MRPS25: variants seen among roughly 807,000 people sequenced by gnomAD.
MRPS25 encodes the protein mitochondrial ribosomal protein S25.
In MRPS25, 15 loss-of-function variants were observed where a neutral mutation model predicts 17.3. The ratio of observed to expected loss-of-function variants is 0.87; its 90% CI spans 0.58 to 1.34. The LOEUF (loss-of-function observed/expected upper bound fraction) is 1.34, where lower values mean the gene tolerates loss of function less well. Ranked by LOEUF, MRPS25 falls within the 40% of genes most tolerant of loss-of-function variation. The pLI is 0.00. For missense variants in MRPS25, 225 were observed against 218.6 expected (o/e 1.03, Z -0.19); for synonymous variants, 94 against 83.3 (o/e 1.13, Z -0.70).
At chr3:15,053,590 T>G in intron 2 of MRPS25, 123 bp from the exon 3 acceptor site, 1 of 1,070,656 alleles carries the variant, frequency 9.3e-7, no homozygotes, top group African/African-American at 1.6e-5. Flanking sequence ...TAGATATACT[T>G]GTTTACATAA....
chr3:15,056,470 G>A (rs1418940213), intron 2 of MRPS25, among the ~76,000 whole-genome samples: 3 of 152,222 alleles, frequency 2.0e-5, no homozygotes, highest in African/African-American at 7.2e-5. Flanking sequence ...TTGAGTTGGG[G>A]AGAGGATCCT....
At chr3:15,059,161 G>A (rs530698032) in intron 2 of MRPS25, among the ~76,000 whole-genome samples, 78 of 152,258 alleles carry the variant, frequency 5.1e-4, no homozygotes, top group African/African-American at 1.8e-3. Flanking sequence ...TGAGGCAGAG[G>A]GTAAGAAGAG....
downstream of MRPS25, chr3:15,042,638 T>G: frequency 5.4e-6 from 3 of 552,586 alleles, no homozygotes; most frequent in East Asian, 3.0e-5. Flanking sequence ...TGTACATACA[T>G]TTTGTACTCA....
Position 15,051,917 on chromosome 3 carries a change from A to ATT in MRPS25, c.*523_*524insAA, listed in dbSNP as rs1208046774. The ATT allele has an allele frequency of 4.7e-5, 46 of 985,626 alleles. No homozygotes were observed. In the African/African-American group the frequency reaches 7.8e-4, roughly 17 times the overall value. 61.1% of individuals were successfully genotyped at this position (985,626 alleles called of 1,614,324 possible). On this transcript the variant is annotated 3_prime_UTR_variant, in exon 4 of 4. Coordinates refer to ENST00000253686, the MANE Select transcript of MRPS25 (RefSeq NM_022497.5). Reference sequence around the variant, plus strand: ...GCAAGGGTAATCAACTGTACTTAAAAAAGTGAGCACTGCACGAAGGGTTGC... The same window carrying ATT: ...GCAAGGGTAATCAACTGTACTTAAAATTAAGTGAGCACTGCACGAAGGGTTGC...
At position 15,051,710 on chromosome 3, in the gene MRPS25, T is replaced by G; in HGVS notation, c.*731A>C. 1 of 985,538 alleles carries G rather than the reference T, an allele frequency of 1.0e-6. No individual in the cohort carries two copies. Among genetic ancestry groups the G allele is most frequent in the Non-Finnish European group, 1.2e-6 (1 of 830,120 alleles). 61.0% of individuals were successfully genotyped at this position (985,538 alleles called of 1,614,324 possible). A position where few individuals can be genotyped will look rare whatever the true frequency, so the allele number is the denominator to read the frequency against. ...CCATCCCCCCAGCAGGGCCCCAATG[T>G]CTCCACTAGGTGGTGTCTCCTCATT... On this transcript the variant is annotated 3_prime_UTR_variant, in exon 4 of 4. Coordinates refer to ENST00000253686, the MANE Select transcript of MRPS25 (RefSeq NM_022497.5).
At position 15,059,466 on chromosome 3, in the gene MRPS25, C is replaced by G. The variant is rs1263347102; in HGVS notation, c.144G>C (p.Val48=). 2 of 1,610,290 alleles carry G rather than the reference C, an allele frequency of 1.2e-6. No homozygotes were observed. Among genetic ancestry groups the G allele is most frequent in the Non-Finnish European group, 1.7e-6 (2 of 1,176,954 alleles). Residue 48 remains valine (V), a synonymous_variant, in exon 2 of 4, where the codon GTG becomes GTC. Coordinates refer to ENST00000253686, the MANE Select transcript of MRPS25 (RefSeq NM_022497.5). ...ATTGAATCTGAGGTATGTTGAAAAACACAAACTTCCTGCAAAAGGGAAGAA... is the reference window on the plus strand; with the variant it reads ...ATTGAATCTGAGGTATGTTGAAAAAGACAAACTTCCTGCAAAAGGGAAGAA... ...GELGEGARKF[V]FFNIPQIQYK... is the part of the protein sequence containing the mutation.
intron 2 of MRPS25, among the ~76,000 whole-genome samples, chr3:15,054,967 T>C (rs568083171): frequency 1.2e-4 from 18 of 152,312 alleles, no homozygotes; most frequent in Non-Finnish European, 2.5e-4. Flanking sequence ...TGGCTCATAG[T>C]TCTGCAGGAT....
intron 1 of MRPS25, among the ~76,000 whole-genome samples, chr3:15,061,886 G>C (rs1041819953): frequency 1.3e-5 from 2 of 151,586 alleles, no homozygotes; most frequent in African/African-American, 2.4e-5. Context: ...GAAGGGAGGA[G>C]ACCCTCCGCC....
downstream of MRPS25, chr3:15,044,386 C>T (rs2042378629): frequency 6.6e-6 from 1 of 152,168 alleles, no homozygotes; most frequent in African/African-American, 2.4e-5. Flanking sequence ...AAAAACAACC[C>T]TCAATTTCCA....
At chr3:15,064,927 G>T in intron 1 of MRPS25, 134 bp downstream of exon 1, 1 of 1,142,044 alleles carries the variant, frequency 8.8e-7, no homozygotes, top group Non-Finnish European at 1.2e-6. Flanking sequence ...TGTAAAATGG[G>T]GGTAACAGCG....
At chr3:15,046,514 C>G (rs1191825424), downstream of MRPS25, 1 of 152,270 alleles carries the variant, frequency 6.6e-6, no homozygotes, top group Non-Finnish European at 1.5e-5. Context: ...ACATTTCCTG[C>G]AGAGCACTCT....
In MRPS25 at chr3:15,059,862, T is replaced by A. The variant is rs572514961; in HGVS notation, c.135-387A>T. 8.3e-4 allele frequency among the ~76,000 whole-genome samples: 126 copies of A among 151,926 alleles called. 1 individual carries two copies. The South Asian group carries it at 0.026, about 31-fold the overall frequency. ...CCGTATCTAGGTTATACCACAATTTTAAAATAATGAGACCAATGTATTCAC... is the reference window on the plus strand; with the variant it reads ...CCGTATCTAGGTTATACCACAATTTAAAAATAATGAGACCAATGTATTCAC... On this transcript the variant is annotated intron_variant, in intron 1 of 3. Transcript: ENST00000253686.
At chr3:15,043,245 T>A (rs2042333550), downstream of MRPS25, 6 of 346,796 alleles carry the variant, frequency 1.7e-5, no homozygotes, top group Non-Finnish European at 1.5e-5. Context: ...GAACAATCTT[T>A]TAACTCAATT....
chr3:15,045,424 T>A (rs2042415013), downstream of MRPS25: 1 of 152,734 alleles, frequency 6.5e-6, no homozygotes, highest in South Asian at 2.1e-4. Context: ...GTGATTTTGC[T>A]TGGAAAGGTG....
At chr3:15,061,718 C>CAT (rs2042764383) in intron 1 of MRPS25, among the ~76,000 whole-genome samples, 1 of 148,896 alleles carries the variant, frequency 6.7e-6, no homozygotes, top group Admixed American at 6.7e-5. Context: ...GGCTGCCCAG[C>CAT]CTGGAAAGTG....
rs1162341374 is a variant in MRPS25, at chr3:15,051,562, A to C, written c.*879T>G. 3 of 985,290 alleles carry C rather than the reference A, an allele frequency of 3.0e-6. No homozygotes were observed. The highest frequency in any genetic ancestry group is 1.7e-5 in the African/African-American group (1 of 57,220). 61.0% of individuals were successfully genotyped at this position (985,290 alleles called of 1,614,324 possible). ...TGAAACCTCCACTTTAGCATAACTA[A>C]AGTGACAGTAACATCAGTGTCCTAT... is the stretch of plus-strand genomic sequence containing the variant. On this transcript the variant is annotated 3_prime_UTR_variant, in exon 4 of 4. Transcript: ENST00000253686.
downstream of MRPS25, chr3:15,046,323 T>C (rs1445824841): frequency 2.0e-5 from 3 of 152,234 alleles, no homozygotes; most frequent in Non-Finnish European, 2.9e-5. Context: ...CTGAGGCAGT[T>C]AGGACACCAG....
chr3:15,063,472 G>T (rs990497919), intron 1 of MRPS25, among the ~76,000 whole-genome samples: 4 of 152,172 alleles, frequency 2.6e-5, no homozygotes, highest in Admixed American at 2.0e-4. Context: ...ACAAGGGCTG[G>T]GGATTGGGGG....
chr3:15,052,377 T>C lies in MRPS25; in HGVS notation c.*64A>G. On this transcript the variant is annotated 3_prime_UTR_variant, in exon 4 of 4. Coordinates refer to ENST00000253686, the MANE Select transcript of MRPS25 (RefSeq NM_022497.5). ...AACCAGGGGCTTCCCTGGGCCAAAG[T>C]AATCCCATTCCAATCTCCCCACTGG... The C allele has an allele frequency of 6.4e-7, 1 of 1,554,648 alleles. No individual in the cohort carries two copies. The highest frequency in any genetic ancestry group is 8.7e-7 in the Non-Finnish European group (1 of 1,148,712).
Sources: gnomAD v4.1 joint callset for allele counts (sites outside exome capture counted in the v4.1 genomes callset) on GRCh38, gnomAD v4.1.1 for gene constraint, MANE v1.5 for transcripts, NCBI Gene and HGNC (gene_info 2026-07-23, HGNC 2026-07-21) for gene names.